The following SOX5 variants were observed in gnomAD, a reference collection of about 807,000 sequenced individuals.
SOX5 encodes the protein SRY-box transcription factor 5.
In SOX5, 9 loss-of-function variants were observed where a neutral mutation model predicts 92.0. That is an observed-to-expected ratio of 0.10 (90% CI 0.06 to 0.17). The LOEUF is 0.17. Among genes scored for constraint, SOX5 ranks in the 10% least tolerant of loss-of-function variants. SOX5 has a pLI of 1.00. For synonymous variants in SOX5, 344 were observed against 336.3 expected (o/e 1.02, Z -0.25); for missense variants, 642 against 944.5 (o/e 0.68, Z 4.20).
intron 4 of SOX5, among the ~76,000 whole-genome samples, chr12:24,125,514 G>A (rs886963274): frequency 2.0e-5 from 3 of 152,116 alleles, no homozygotes; most frequent in African/African-American, 7.2e-5. Flanking sequence ...CCTCCCCGTC[G>A]TTACAGGTAC....
chr12:23,976,600 A>T (rs897036973), intron 4 of SOX5, among the ~76,000 whole-genome samples: 1 of 152,118 alleles, frequency 6.6e-6, no homozygotes, highest in Non-Finnish European at 1.5e-5. Flanking sequence ...GGATAATATA[A>T]TGAATATTGC....
intron 3 of SOX5, among the ~76,000 whole-genome samples, chr12:24,233,719 G>A (rs1290532904): frequency 1.3e-5 from 2 of 152,216 alleles, no homozygotes; most frequent in African/African-American, 2.4e-5. Context: ...AATTGTCAAC[G>A]TTGCTATTTG....
At chr12:24,272,180 T>G (rs1943843444) in intron 3 of SOX5, among the ~76,000 whole-genome samples, 2 of 152,082 alleles carry the variant, frequency 1.3e-5, no homozygotes, top group Admixed American at 6.6e-5. Flanking sequence ...TGTTTCACAA[T>G]TTTCCCCATA....
intron 6 of SOX5, among the ~76,000 whole-genome samples, chr12:23,671,149 T>C (rs904955407): frequency 6.6e-6 from 1 of 152,204 alleles, no homozygotes; most frequent in African/African-American, 2.4e-5. Context: ...ACAGGTCTTA[T>C]GAGAGTGAGT....
chr12:23,703,727 G>GACACACAC (rs61366137), intron 6 of SOX5, among the ~76,000 whole-genome samples: 4,878 of 148,784 alleles, frequency 0.033, 236 homozygotes, highest in African/African-American at 0.11. Flanking sequence ...TTTCTCAGGG[G>GACACACAC]ACACACACAC....
At chr12:23,729,215 G>T (rs1002795268) in intron 6 of SOX5, among the ~76,000 whole-genome samples, 6 of 151,900 alleles carry the variant, frequency 3.9e-5, no homozygotes, top group African/African-American at 1.5e-4. Context: ...TGTTAGTTAG[G>T]TATTATATTT....
At chr12:24,283,145 G>A (rs1424044144) in intron 2 of SOX5, among the ~76,000 whole-genome samples, 3 of 152,168 alleles carry the variant, frequency 2.0e-5, no homozygotes, top group African/African-American at 4.8e-5. Flanking sequence ...TGATCTTAAT[G>A]TAATTAAAGG....
chr12:24,495,035 A>G (rs894004498), intron 1 of SOX5, among the ~76,000 whole-genome samples: 1 of 152,212 alleles, frequency 6.6e-6, no homozygotes, highest in East Asian at 1.9e-4. Flanking sequence ...TCTATCAACT[A>G]TAACTACTTT....
intron 3 of SOX5, among the ~76,000 whole-genome samples, chr12:23,769,793 T>C (rs1433535141): frequency 6.6e-6 from 1 of 152,152 alleles, no homozygotes; most frequent in Non-Finnish European, 1.5e-5. Flanking sequence ...ACAATACTTA[T>C]GAACAATCCA....
intron 1 of SOX5, among the ~76,000 whole-genome samples, chr12:24,539,478 T>C (rs1209617177): frequency 6.6e-6 from 1 of 152,162 alleles, no homozygotes; most frequent in Non-Finnish European, 1.5e-5. Context: ...AACACTGGTT[T>C]ACACTTAAAT....
chr12:23,619,752 A>G (rs2076965054), intron 8 of SOX5, among the ~76,000 whole-genome samples: 1 of 152,196 alleles, frequency 6.6e-6, no homozygotes, highest in Non-Finnish European at 1.5e-5. Context: ...GGCTACTGCC[A>G]GTAAAAACCG....
chr12:24,210,017 C>CAAA (rs1173723179), intron 4 of SOX5, among the ~76,000 whole-genome samples: 38 of 62,698 alleles, frequency 6.1e-4, no homozygotes, highest in African/African-American at 1.3e-3. Context: ...GACTCCGTCT[C>CAAA]AAAAAAAAAA....
chr12:23,567,445 T>G (rs1947324371), intron 10 of SOX5, among the ~76,000 whole-genome samples: 1 of 150,970 alleles, frequency 6.6e-6, no homozygotes, highest in African/African-American at 2.4e-5. Context: ...CTTTGTTAAA[T>G]TCACTATAAT....
intron 4 of SOX5, among the ~76,000 whole-genome samples, chr12:24,162,544 T>C (rs1407792006): frequency 6.6e-6 from 1 of 152,146 alleles, no homozygotes; most frequent in Non-Finnish European, 1.5e-5. Context: ...TAACAACTTA[T>C]TTTCTCAAAG....
At chr12:24,340,881 A>C (rs1467642282) in intron 2 of SOX5, among the ~76,000 whole-genome samples, 1 of 152,172 alleles carries the variant, frequency 6.6e-6, no homozygotes, top group East Asian at 1.9e-4. Context: ...ATTTTGACGA[A>C]GTGCACATCG....
chr12:24,558,736 T>C (rs1274083964), intron 1 of SOX5, among the ~76,000 whole-genome samples: 3 of 152,222 alleles, frequency 2.0e-5, no homozygotes, highest in African/African-American at 7.2e-5. Flanking sequence ...ATATTAGGTA[T>C]GAGTGATTAT....
intron 1 of SOX5, among the ~76,000 whole-genome samples, chr12:23,906,422 A>G (rs144807547): frequency 6.6e-6 from 1 of 152,208 alleles, no homozygotes; most frequent in Non-Finnish European, 1.5e-5. Context: ...TTTAAATTTT[A>G]CATCAAAATT....
intron 1 of SOX5, among the ~76,000 whole-genome samples, chr12:24,555,315 T>C (rs75069066): frequency 0.024 from 3,639 of 152,312 alleles, 73 homozygotes; most frequent in Admixed American, 0.057. Context: ...TACCTAAAGA[T>C]GGTCAAGGTC....
intron 2 of SOX5, among the ~76,000 whole-genome samples, chr12:23,865,677 A>T (rs1016489943): frequency 6.6e-6 from 1 of 152,130 alleles, no homozygotes; most frequent in Non-Finnish European, 1.5e-5. Flanking sequence ...TCCGTCTCAA[A>T]AAAAACGAAA....
Sources: allele counts gnomAD v4.1 joint callset (sites outside exome capture counted in the v4.1 genomes callset), GRCh38; gene constraint gnomAD v4.1.1; transcripts MANE v1.5; gene names NCBI Gene and HGNC (gene_info 2026-07-23, HGNC 2026-07-21).